Variants in CACNA1C observed in about 807,000 individuals in gnomAD.
CACNA1C encodes voltage-dependent L-type calcium channel subunit alpha-1C.
In CACNA1C, 30 loss-of-function variants were observed where a neutral mutation model predicts 229.0. That is an observed-to-expected ratio of 0.13 (90% confidence interval 0.10 to 0.18). The LOEUF (loss-of-function observed/expected upper bound fraction) is 0.18. CACNA1C is among the 10% of genes least tolerant of loss of function. The pLI is 1.00. For missense variants in CACNA1C, 1,658 were observed against 2,845.0 expected, an observed-to-expected ratio of 0.58 and a Z score of 9.49; for synonymous variants, 1,114 against 1,132.5, an observed-to-expected ratio of 0.98 and a Z score of 0.33.
Position 2,083,313 on chromosome 12 carries a change from T to C in CACNA1C, c.49+29702T>C, listed in dbSNP as rs542069261. 1.4e-3 allele frequency among the ~76,000 whole-genome samples: 207 copies of C among 152,250 alleles called. 1 individual carries two copies. Among genetic ancestry groups the C allele is most frequent in the African/African-American group, 1.9e-3 (79 of 41,536 alleles). ...CATGGACTCCTCCAATTTCTCCTTT[T>C]CCCCCAAAGAGGCCCTGGCCGTAGA... On this transcript the variant is annotated intron_variant, in intron 1 of 46. Coordinates refer to ENST00000399655, the MANE Select transcript of CACNA1C (RefSeq NM_000719.7).
intron 29 of CACNA1C, among the ~76,000 whole-genome samples, chr12:2,623,451 G>A (rs753873469): frequency 2.6e-5 from 4 of 152,032 alleles, no homozygotes; most frequent in African/African-American, 4.8e-5. Flanking sequence ...CACCTTTTCC[G>A]TGTAATAAAT....
At chr12:2,258,125 C>T (rs2078690228) in intron 3 of CACNA1C, among the ~76,000 whole-genome samples, 1 of 152,226 alleles carries the variant, frequency 6.6e-6, no homozygotes, top group African/African-American at 2.4e-5. Context: ...CATAGTAAAG[C>T]TCATATCCCA....
intron 3 of CACNA1C, among the ~76,000 whole-genome samples, chr12:2,226,655 G>T (rs2063102095): frequency 1.3e-5 from 2 of 152,122 alleles, no homozygotes; most frequent in South Asian, 4.1e-4. Context: ...TAGTGTCATT[G>T]TTTCCTCCAC....
intron 3 of CACNA1C, among the ~76,000 whole-genome samples, chr12:2,150,165 A>C (rs905065196): frequency 6.6e-6 from 1 of 152,194 alleles, no homozygotes; most frequent in Non-Finnish European, 1.5e-5. Context: ...TCAGGAGCAG[A>C]GACGCAGTTC....
intron 45 of CACNA1C, among the ~76,000 whole-genome samples, chr12:2,686,993 T>G (rs1377300274): frequency 6.6e-6 from 1 of 152,212 alleles, no homozygotes; most frequent in East Asian, 1.9e-4. Flanking sequence ...GACCTATGCT[T>G]TGTACCCAAA....
intron 3 of CACNA1C, among the ~76,000 whole-genome samples, chr12:2,278,973 A>G (rs2090041501): frequency 6.6e-6 from 1 of 152,062 alleles, no homozygotes; most frequent in Non-Finnish European, 1.5e-5. Flanking sequence ...TTAAATTTGC[A>G]TTTTCCTGAA....
At chr12:2,671,295 G>T (rs1444780855) in intron 38 of CACNA1C, among the ~76,000 whole-genome samples, 2 of 152,216 alleles carry the variant, frequency 1.3e-5, no homozygotes, top group Non-Finnish European at 2.9e-5. Flanking sequence ...TGACAGGCAT[G>T]AGCCACCGCG....
Position 2,496,326 on chromosome 12 carries a change from A to T in CACNA1C, c.1113+2940A>T, listed in dbSNP as rs1451376002. ...TAAGGCCTTTCACTCAGAAGAATGA[A>T]TTGTCCTTCAGGCACAAGGGCAAGT... On this transcript the variant is annotated intron_variant, in intron 7 of 46. Coordinates refer to ENST00000399655, the MANE Select transcript of CACNA1C (RefSeq NM_000719.7). Among the ~76,000 whole-genome samples, 26 of 152,292 alleles carry T rather than the reference A, an allele frequency of 1.7e-4. No individual in the cohort carries two copies. The South Asian group carries it at 5.4e-3, about 32-fold the overall frequency.
At chr12:1,986,777 A>T (rs1565832874) in intron 1 of CACNA1C, among the ~76,000 whole-genome samples, 1 of 152,162 alleles carries the variant, frequency 6.6e-6, no homozygotes, top group Non-Finnish European at 1.5e-5. Flanking sequence ...TTTTTCTTCA[A>T]GTTCTGATTG....
chr12:2,277,335 A>G (rs1221954894), intron 3 of CACNA1C, among the ~76,000 whole-genome samples: 1 of 104,972 alleles, frequency 9.5e-6, no homozygotes, highest in Non-Finnish European at 1.9e-5. Context: ...CTTCTAGTAG[A>G]CAGACAGACA....
At chr12:2,628,449 A>C (rs1227234562) in intron 29 of CACNA1C, among the ~76,000 whole-genome samples, 3 of 152,184 alleles carry the variant, frequency 2.0e-5, no homozygotes, top group Non-Finnish European at 2.9e-5. Context: ...GATGGGCAGA[A>C]AAGACCTGAG....
chr12:2,415,391 C>T (rs879651319), intron 3 of CACNA1C, among the ~76,000 whole-genome samples: 13 of 152,142 alleles, frequency 8.5e-5, no homozygotes, highest in Non-Finnish European at 1.2e-4. Flanking sequence ...CCGTGGAGGC[C>T]GCGCAGCGCC....
chr12:2,121,823 A>G (rs539290294), intron 3 of CACNA1C, among the ~76,000 whole-genome samples: 2 of 152,216 alleles, frequency 1.3e-5, no homozygotes, highest in Admixed American at 6.5e-5. Context: ...CAACCCTCCT[A>G]CAGTTTCACA....
In CACNA1C at chr12:2,689,964, G is replaced by A. The variant is rs2097727530; in HGVS notation, c.6118-936G>A. 1 of 152,314 alleles carries A rather than the reference G, an allele frequency of 6.6e-6. No homozygotes were observed. Among genetic ancestry groups the A allele is most frequent in the Admixed American group, 6.5e-5 (1 of 15,280 alleles). The allele number at this position is 152,314 out of a possible 1,614,324, so 9.4% of individuals were successfully genotyped here. On this transcript the variant is annotated intron_variant, in intron 46 of 46. Transcript: ENST00000399655. This position sits in a 1 kb window ranked among gnomAD's most constrained non-coding sequence, Gnocchi z 4.2. ...AGCAAGACAAACAGATGCCTGAAAG[G>A]AGCGAGTGCCAGGCTGCACTCAGCT...
At chr12:2,556,902 A>G in intron 10 of CACNA1C, 49 bp from the exon 11 acceptor site, 4 of 1,539,420 alleles carry the variant, frequency 2.6e-6, no homozygotes, top group Non-Finnish European at 3.6e-6. Flanking sequence ...CGTCTTTTAA[A>G]TGCACGTGTG....
rs370078706 is a variant in CACNA1C at position 2,682,006 on chromosome 12, C to G, written c.5445-544C>G. ...GAGCTCAGGAGGGATTCAGGCTCAGCAGGGACTCAGGCTCACTGCCTTCTG... is the reference window on the plus strand; with the variant it reads ...GAGCTCAGGAGGGATTCAGGCTCAGGAGGGACTCAGGCTCACTGCCTTCTG... On this transcript the variant is annotated intron_variant, in intron 42 of 46. Transcript: ENST00000399655. 9.3e-6 allele frequency: 15 copies of G among 1,611,752 alleles called. No homozygotes were observed. In the African/African-American group the frequency reaches 1.5e-4, roughly 16 times the overall value.
intron 11 of CACNA1C, among the ~76,000 whole-genome samples, chr12:2,562,072 AC>A (rs1021981165): frequency 4.0e-5 from 4 of 99,144 alleles, no homozygotes; most frequent in Non-Finnish European, 6.2e-5. Context: ...TAATTACCCC[AC>A]CCCCACCCCA....
At chr12:2,409,432 C>T (rs188196828) in intron 3 of CACNA1C, among the ~76,000 whole-genome samples, 1 of 152,294 alleles carries the variant, frequency 6.6e-6, no homozygotes, top group East Asian at 1.9e-4. Flanking sequence ...CACCGTCAGA[C>T]CAGGAGGTTG....
chr12:2,199,662 G>T (rs191732653), intron 3 of CACNA1C, among the ~76,000 whole-genome samples: 252 of 152,180 alleles, frequency 1.7e-3, no homozygotes, highest in Middle Eastern at 3.4e-3. Context: ...TTGTTTAGGG[G>T]CAAACTGCAT....
Sources: allele counts gnomAD v4.1 joint callset (sites outside exome capture counted in the v4.1 genomes callset), GRCh38; gene constraint gnomAD v4.1.1; non-coding constraint Gnocchi (gnomAD v3.1); transcripts MANE v1.5; gene names NCBI Gene and HGNC (gene_info 2026-07-23, HGNC 2026-07-21).